The following DHRS7 variants were observed in gnomAD, a reference collection of about 807,000 sequenced individuals.
The protein encoded by DHRS7 is dehydrogenase/reductase SDR family member 7.
Under a neutral mutation model 38.9 loss-of-function variants are expected in DHRS7, and 34 were observed. The ratio of observed to expected loss-of-function variants is 0.87; its 90% CI spans 0.66 to 1.16. The LOEUF (loss-of-function observed/expected upper bound fraction) is 1.16. DHRS7 is among the 50% of genes most tolerant of loss of function. The probability of loss-of-function intolerance (pLI) is 0.00; values close to 1 mark genes in which losing one functional copy is unlikely to be tolerated. For missense variants in DHRS7, 421 were observed against 407.0 expected, an observed-to-expected ratio of 1.03 and a Z score of -0.30; for synonymous variants, 158 against 153.1, an observed-to-expected ratio of 1.03 and a Z score of -0.24.
rs1370206896 is a variant in DHRS7 at position 60,144,618 on chromosome 14, G to A, written c.*348C>T. On this transcript the variant is annotated 3_prime_UTR_variant, in exon 7 of 7. Coordinates refer to ENST00000557185, the MANE Select transcript of DHRS7 (RefSeq NM_016029.4). ...TGGAATTCCCAGCCTCAAGAGCCAG[G>A]AAAAACAGATTTCTGTTGTTTATAA... 4.6e-6 allele frequency: 1 copy of A among 216,104 alleles called. No homozygotes were observed. Among genetic ancestry groups the A allele is most frequent in the Middle Eastern group, 2.0e-3 (1 of 506 alleles). The allele number at this position is 216,104 out of a possible 1,614,324, so 13.4% of individuals were successfully genotyped here. A position where few individuals can be genotyped will look rare whatever the true frequency, so the allele number is the denominator to read the frequency against.
intron 2 of DHRS7, 152 bp downstream of exon 2, chr14:60,155,848 A>T: frequency 1.3e-6 from 1 of 761,738 alleles, no homozygotes; most frequent in Non-Finnish European, 1.8e-6. Context: ...AGGGCAGCCA[A>T]TTAAGGCAAA....
At chr14:60,163,920 A>G (rs1205650371) in intron 1 of DHRS7, among the ~76,000 whole-genome samples, 1 of 152,214 alleles carries the variant, frequency 6.6e-6, no homozygotes. Context: ...GAGGTGGAAC[A>G]ATCGATCAAG....
In DHRS7 at chr14:60,144,792, C is replaced by T; in HGVS notation, c.*174G>A. 1.6e-6 allele frequency: 1 copy of T among 616,506 alleles called. No homozygotes were observed. Among genetic ancestry groups the T allele is most frequent in the African/African-American group, 1.9e-5 (1 of 52,650 alleles). The allele number at this position is 616,506 out of a possible 1,614,324, so 38.2% of individuals were successfully genotyped here. On this transcript the variant is annotated 3_prime_UTR_variant, in exon 7 of 7. Transcript: ENST00000557185. The stretch of plus-strand genomic sequence containing the variant: ...GAGTTAATACCTTTTTTGCAAGATT[C>T]ATGGCAATCTTTTATTATTTATTTT...
chr14:60,165,493 A>T (rs1052306045), upstream of DHRS7: 12 of 1,322,960 alleles, frequency 9.1e-6, no homozygotes, highest in African/African-American at 1.4e-4. This position sits in a 1 kb window ranked among gnomAD's most constrained non-coding sequence, Gnocchi z 4.6. Context: ...TCGCGGCCCC[A>T]CTCGCGGTCC....
At chr14:60,151,072 G>T (rs377627053) in intron 4 of DHRS7, among the ~76,000 whole-genome samples, 71 of 152,250 alleles carry the variant, frequency 4.7e-4, no homozygotes, top group African/African-American at 1.5e-3. Context: ...TGAGGAAGAT[G>T]GGATTAGTAC....
intron 1 of DHRS7, among the ~76,000 whole-genome samples, chr14:60,164,938 T>C (rs1404384316): frequency 6.6e-6 from 1 of 152,238 alleles, no homozygotes; most frequent in Admixed American, 6.5e-5. Flanking sequence ...AGAGGTTTCC[T>C]AGCCTGAATG....
At chr14:60,159,269 A>T (rs1896716757) in intron 1 of DHRS7, 1 of 429,582 alleles carries the variant, frequency 2.3e-6, no homozygotes, top group African/African-American at 2.2e-5. Flanking sequence ...AATACACAGA[A>T]AATTTCATGT....
At position 60,165,192 on chromosome 14, in the gene DHRS7, G is replaced by C. The variant is rs772297795; in HGVS notation, c.118C>G (p.Gln40Glu). 6.2e-7 allele frequency: 1 copy of C among 1,612,828 alleles called. No homozygotes were observed. Among genetic ancestry groups the C allele is most frequent in the Non-Finnish European group, 8.5e-7 (1 of 1,179,804 alleles). Reference sequence around the variant, plus strand: ...CGGTCCTCACCTGGGCGTCGTCCCTGCCACTCGGCCCATAGTAGCGTCAGG... The same window carrying C: ...CGGTCCTCACCTGGGCGTCGTCCCTCCCACTCGGCCCATAGTAGCGTCAGG... ...GDLTLLWAEW[Q>E]GRRPEWELTD... The change falls in exon 1 of 7, where the codon CAG (glutamine) becomes GAG (glutamate). Residue 40 changes from glutamine (Q) to glutamate (E), a missense_variant. By Grantham distance (29) the Gln-to-Glu change is conservative. Coordinates refer to ENST00000557185, the MANE Select transcript of DHRS7 (RefSeq NM_016029.4). The surrounding 1 kb of genome is among the most constrained non-coding windows in gnomAD (Gnocchi z 4.6).
In DHRS7 at chr14:60,145,055, A is replaced by G. The variant is rs762956669; in HGVS notation, c.973-42T>C. The G allele has an allele frequency of 3.7e-6, 5 of 1,360,966 alleles. No individual in the cohort carries two copies. The South Asian group carries it at 8.7e-5, about 24-fold the overall frequency. 84.3% of individuals were successfully genotyped at this position (1,360,966 alleles called of 1,614,324 possible). The stretch of plus-strand genomic sequence containing the variant: ...GAAACATGGATCAGTACCTACTCCT[A>G]TTTACTCCAGTTTTTAACATTTAAG... On this transcript the variant is annotated intron_variant, in intron 6 of 6. Transcript: ENST00000557185. This position sits in a 1 kb window ranked among gnomAD's most constrained non-coding sequence, Gnocchi z 4.0.
chr14:60,149,319 A>G, intron 6 of DHRS7, 34 bp downstream of exon 6: 1 of 1,590,470 alleles, frequency 6.3e-7, no homozygotes, highest in South Asian at 1.1e-5. Flanking sequence ...CAAGATTGGT[A>G]CATACTATTA....
chr14:60,160,555 T>G (rs1240550900), intron 1 of DHRS7, among the ~76,000 whole-genome samples: 4 of 148,992 alleles, frequency 2.7e-5, no homozygotes, highest in African/African-American at 9.9e-5. Flanking sequence ...TATATGAGAG[T>G]AGATTAAGCT....
At chr14:60,152,238 A>G (rs1249280510) in intron 4 of DHRS7, among the ~76,000 whole-genome samples, 1 of 152,138 alleles carries the variant, frequency 6.6e-6, no homozygotes, top group African/African-American at 2.4e-5. Flanking sequence ...TTGGCCTTAT[A>G]ATTTCTTTAT....
upstream of DHRS7, chr14:60,165,598 C>A: frequency 4.1e-6 from 5 of 1,210,342 alleles, no homozygotes; most frequent in Non-Finnish European, 3.1e-6. The surrounding 1 kb of genome is among the most constrained non-coding windows in gnomAD (Gnocchi z 4.6). Flanking sequence ...CATGAGGAAA[C>A]CCTGTGTCTA....
In DHRS7 at chr14:60,161,277, G is replaced by C. The variant is rs1896760584; in HGVS notation, c.133+3900C>G. Among the ~76,000 whole-genome samples the C allele has an allele frequency of 6.6e-6, 1 of 152,132 alleles. No homozygotes were observed. The highest frequency in any genetic ancestry group is 2.4e-5 in the African/African-American group (1 of 41,422). ...TAGAGCTGGGCTACCTTTAATCATG[G>C]AATAATCTTATGTATAGGTGTAAGA... On this transcript the variant is annotated intron_variant, in intron 1 of 6. Coordinates refer to ENST00000557185, the MANE Select transcript of DHRS7 (RefSeq NM_016029.4). This position sits in a 1 kb window ranked among gnomAD's most constrained non-coding sequence, Gnocchi z 4.2.
chr14:60,166,589 C>T (rs950021363), upstream of DHRS7, among the ~76,000 whole-genome samples: 8 of 152,036 alleles, frequency 5.3e-5, no homozygotes, highest in Non-Finnish European at 1.0e-4. Flanking sequence ...ATCAAATTTC[C>T]TTAAATAGCT....
upstream of DHRS7, among the ~76,000 whole-genome samples, chr14:60,167,003 A>T (rs1454426296): frequency 6.6e-6 from 1 of 152,168 alleles, no homozygotes; most frequent in Non-Finnish European, 1.5e-5. Flanking sequence ...GGACGTGGAG[A>T]TGGTTAACGG....
chr14:60,152,910 C>T lies in DHRS7; in HGVS notation c.633+29G>A, dbSNP rs1292281388. On this transcript the variant is annotated intron_variant, in intron 4 of 6. Transcript: ENST00000557185. ...CCCCATATACACATTTAAGTCAGTT[C>T]TATCAGAGTTGAGTTTGAGCAGCCT... is the stretch of plus-strand genomic sequence containing the variant. 4.3e-6 allele frequency: 7 copies of T among 1,613,080 alleles called. No individual in the cohort carries two copies. In the African/African-American group the frequency reaches 9.3e-5, roughly 22 times the overall value.
chr14:60,156,162 G>A lies in DHRS7; in HGVS notation c.134-10C>T, dbSNP rs758362376. 2 of 1,539,096 alleles carry A rather than the reference G, an allele frequency of 1.3e-6. No individual in the cohort carries two copies. The highest frequency in any genetic ancestry group is 1.7e-6 in the Non-Finnish European group (2 of 1,146,020). On this transcript the variant is annotated splice_polypyrimidine_tract_variant and intron_variant, in intron 1 of 6. Coordinates refer to ENST00000557185, the MANE Select transcript of DHRS7 (RefSeq NM_016029.4). ...TCAGTCAGCTCCCATTCTATGGAAG[G>A]AATGTAAATGGAAGGAAGAAAATAA...
intron 1 of DHRS7, among the ~76,000 whole-genome samples, chr14:60,160,594 G>A (rs925805181): frequency 4.6e-5 from 7 of 150,776 alleles, no homozygotes; most frequent in African/African-American, 1.5e-4. Flanking sequence ...GCGGGGGGAC[G>A]GGGGGAGGGG....
Sources: allele counts gnomAD v4.1 joint callset (sites outside exome capture counted in the v4.1 genomes callset), GRCh38; gene constraint gnomAD v4.1.1; non-coding constraint Gnocchi (gnomAD v3.1); transcripts MANE v1.5; gene names NCBI Gene and HGNC (gene_info 2026-07-23, HGNC 2026-07-21).